The following CFAP206 variants were observed in gnomAD, a reference collection of about 807,000 sequenced individuals.
CFAP206 encodes cilia and flagella associated protein 206.
A neutral mutation model predicts 65.4 loss-of-function variants in CFAP206; 53 were observed. The ratio of observed to expected loss-of-function variants is 0.81; its 90% confidence interval spans 0.65 to 1.02. CFAP206 has a LOEUF of 1.02. Among genes scored for constraint, CFAP206 ranks in the 50% least tolerant of loss-of-function variants. CFAP206 has a pLI of 0.00. For missense variants in CFAP206, 663 were observed against 753.2 expected (o/e 0.88, Z 1.40); for synonymous variants, 250 against 254.4 (o/e 0.98, Z 0.17).
At chr6:87,438,321 T>C (rs2127953597) in intron 11 of CFAP206, among the ~76,000 whole-genome samples, 1 of 151,852 alleles carries the variant, frequency 6.6e-6, no homozygotes, top group African/African-American at 2.4e-5. Flanking sequence ...ATTAGCTGGG[T>C]GTCTTGGCAC....
intron 6 of CFAP206, 89 bp from the exon 7 acceptor site, chr6:87,418,119 A>T: frequency 8.7e-7 from 1 of 1,150,034 alleles, no homozygotes; most frequent in South Asian, 1.4e-5. Flanking sequence ...CCCTAACTTA[A>T]TGTTTAAAAT....
intron 8 of CFAP206, 86 bp from the exon 9 acceptor site, chr6:87,428,540 T>G (rs1011029912): frequency 1.5e-6 from 2 of 1,292,464 alleles, no homozygotes; most frequent in Non-Finnish European, 2.2e-6. Flanking sequence ...TCTTTACAAA[T>G]GACAATTGTA....
At chr6:87,421,479 C>G (rs1767940709) in intron 7 of CFAP206, among the ~76,000 whole-genome samples, 1 of 151,740 alleles carries the variant, frequency 6.6e-6, no homozygotes, top group Non-Finnish European at 1.5e-5. Flanking sequence ...GAGTGAGACA[C>G]TGTCTCAAAA....
At chr6:87,430,348 C>T (rs903816375) in intron 9 of CFAP206, among the ~76,000 whole-genome samples, 1 of 152,082 alleles carries the variant, frequency 6.6e-6, no homozygotes, top group African/African-American at 2.4e-5. Context: ...TTTATAAATA[C>T]GTGGTATTAT....
At chr6:87,428,929 C>A in intron 9 of CFAP206, 105 bp downstream of exon 9, 1 of 1,159,424 alleles carries the variant, frequency 8.6e-7, no homozygotes, top group African/African-American at 1.5e-5. Context: ...AAGCATTAAA[C>A]ATTTTTCTTG....
In CFAP206 at chr6:87,464,162, A is replaced by G; in HGVS notation, c.1781A>G (p.Gln594Arg). 6.2e-7 allele frequency: 1 copy of G among 1,614,206 alleles called. No homozygotes were observed. The highest frequency in any genetic ancestry group is 8.5e-7 in the Non-Finnish European group (1 of 1,180,022). Residue 594 changes from glutamine (Q) to arginine (R), a missense_variant, in exon 13 of 13, where the codon CAG (glutamine) becomes CGG (arginine). Coordinates refer to ENST00000369562, the MANE Select transcript of CFAP206 (RefSeq NM_001031743.3). ...GACAGCACTGGGGTGCCCAGGCCTC[A>G]GATTTACTTGGCTGGTCTTCGTGGA... ...REDSTGVPRP[Q>R]IYLAGLRGGK... is the part of the protein sequence containing the mutation.
intron 11 of CFAP206, among the ~76,000 whole-genome samples, chr6:87,450,529 G>A (rs1768522584): frequency 7.3e-6 from 1 of 136,764 alleles, no homozygotes; most frequent in East Asian, 2.2e-4. Context: ...TTGGAGCTAT[G>A]ATATAGCCAC....
At position 87,457,306 on chromosome 6, in the gene CFAP206, G is replaced by GA. The variant is rs1323393526; in HGVS notation, c.1495-3710dup. Among the ~76,000 whole-genome samples, 11 of 152,162 alleles carry GA rather than the reference G, an allele frequency of 7.2e-5. No individual in the cohort carries two copies. The East Asian group carries it at 1.4e-3, about 19-fold the overall frequency. The stretch of plus-strand genomic sequence containing the variant: ...TACCAATGACATTCTGTAAGAAATA[G>GA]AAAAAATAACCTTACAACTTATATG... On this transcript the variant is annotated intron_variant, in intron 11 of 12. Transcript: ENST00000369562.
intron 9 of CFAP206, among the ~76,000 whole-genome samples, 174 bp downstream of exon 9, chr6:87,428,998 T>C (rs1443243004): frequency 6.6e-6 from 1 of 152,114 alleles, no homozygotes; most frequent in East Asian, 1.9e-4. Context: ...CCCAGCACTT[T>C]GGGGGGCCGA....
At chr6:87,433,904 A>T (rs1363254415) in intron 10 of CFAP206, among the ~76,000 whole-genome samples, 1 of 152,078 alleles carries the variant, frequency 6.6e-6, no homozygotes, top group Non-Finnish European at 1.5e-5. Context: ...GTTCAAGACC[A>T]GCCTGACCAA....
At chr6:87,413,743 A>G in intron 3 of CFAP206, 67 bp from the exon 4 acceptor site, 1 of 941,636 alleles carries the variant, frequency 1.1e-6, no homozygotes, top group Admixed American at 2.7e-5. Context: ...TTTGAAAATA[A>G]CTTTAGGAAA....
intron 11 of CFAP206, chr6:87,444,979 T>C (rs1290037303): frequency 7.6e-6 from 4 of 525,380 alleles, no homozygotes; most frequent in Middle Eastern, 6.4e-4. Flanking sequence ...TGGCAGCATT[T>C]GGCTTCTGTA....
chr6:87,445,762 AG>A (rs772985492), intron 11 of CFAP206, among the ~76,000 whole-genome samples: 4 of 152,116 alleles, frequency 2.6e-5, no homozygotes, highest in Non-Finnish European at 4.4e-5. Context: ...TCTGGTTCTA[AG>A]TCTTTGAGGA....
intron 8 of CFAP206, among the ~76,000 whole-genome samples, 161 bp from the exon 9 acceptor site, chr6:87,428,465 A>G (rs901354710): frequency 2.0e-5 from 3 of 152,196 alleles, no homozygotes; most frequent in Admixed American, 1.3e-4. Context: ...ATAATTTATG[A>G]GTTAAATGTC....
intron 11 of CFAP206, among the ~76,000 whole-genome samples, chr6:87,458,761 G>A (rs1461090439): frequency 6.6e-6 from 1 of 152,106 alleles, no homozygotes; most frequent in Non-Finnish European, 1.5e-5. Flanking sequence ...ACAACAGGGT[G>A]AGTACAGTCA....
At chr6:87,409,521 CT>C (rs71554717) in intron 1 of CFAP206, among the ~76,000 whole-genome samples, 41,430 of 137,810 alleles carry the variant, frequency 0.3, 5,903 homozygotes, top group Admixed American at 0.41. Context: ...CCTGCTTAGC[CT>C]TTTTTTTTTT....
rs1274074137 is a variant in CFAP206 at position 87,428,647 on chromosome 6, A to G, written c.982A>G (p.Thr328Ala). The G allele has an allele frequency of 1.1e-5, 17 of 1,613,824 alleles. No individual in the cohort carries two copies. The highest frequency in any genetic ancestry group is 1.4e-5 in the Non-Finnish European group (16 of 1,179,930). The change falls in exon 9 of 13, where the codon ACT becomes GCT. Residue 328 changes from threonine to alanine, a missense_variant. Coordinates refer to ENST00000369562, the MANE Select transcript of CFAP206 (RefSeq NM_001031743.3). ...QVFPIFIALS[T>A]LWTSLQDETI... The stretch of plus-strand genomic sequence containing the variant: ...TCAGCCTATCTTCATTGCACTTTCT[A>G]CTCTGTGGACCAGCTTGCAAGACGA...
intron 10 of CFAP206, among the ~76,000 whole-genome samples, chr6:87,431,849 T>C (rs1768164988): frequency 6.6e-6 from 1 of 152,230 alleles, no homozygotes; most frequent in Non-Finnish European, 1.5e-5. Context: ...TTATTTGACA[T>C]GTTTGTTAAA....
In CFAP206 at chr6:87,428,673, A is replaced by C. The variant is rs772545515; in HGVS notation, c.1008A>C (p.Glu336Asp). ...CTCTGTGGACCAGCTTGCAAGACGA[A>C]ACTATTGTGGTTGGTGTCCTCAGTA... is the stretch of plus-strand genomic sequence containing the variant. ...LSTLWTSLQD[E>D]TIVVGVLSNL... is the part of the protein sequence containing the mutation. The change falls in exon 9 of 13, where the codon GAA becomes GAC. Residue 336 changes from glutamate to aspartate, a missense_variant. Glu to Asp is a conservative substitution (Grantham distance 45). Transcript: ENST00000369562. 1 of 1,614,090 alleles carries C rather than the reference A, an allele frequency of 6.2e-7. No individual in the cohort carries two copies. The highest frequency in any genetic ancestry group is 1.1e-5 in the South Asian group (1 of 91,072).
Sources: gnomAD v4.1 joint callset for allele counts (sites outside exome capture counted in the v4.1 genomes callset) on GRCh38, gnomAD v4.1.1 for gene constraint, MANE v1.5 for transcripts, NCBI Gene and HGNC (gene_info 2026-07-23, HGNC 2026-07-21) for gene names.